The following PGBD5 variants were observed in gnomAD, a reference collection of about 807,000 sequenced individuals.
PGBD5 encodes piggyBac transposable element derived 5.
PGBD5 carries 14 observed loss-of-function variants against 47.9 expected under a neutral mutation model. That is an observed-to-expected ratio of 0.29 (90% CI 0.19 to 0.46). The LOEUF (loss-of-function observed/expected upper bound fraction) is 0.46, where lower values mean the gene tolerates loss of function less well. PGBD5 is among the 20% of genes least tolerant of loss of function. The pLI, the probability that PGBD5 is intolerant of heterozygous loss-of-function variation, is 1.00. For missense variants in PGBD5, 635 were observed against 716.0 expected, an observed-to-expected ratio of 0.89 and a Z score of 1.29; for synonymous variants, 316 against 306.3, an observed-to-expected ratio of 1.03 and a Z score of -0.33.
intron 1 of PGBD5, among the ~76,000 whole-genome samples, chr1:230,417,285 T>C (rs1274837788): frequency 6.6e-6 from 1 of 152,044 alleles, no homozygotes. Flanking sequence ...CCTCCTTCCT[T>C]AAAGGAAGGA....
chr1:230,334,942 G>A (rs1262697889), intron 4 of PGBD5, among the ~76,000 whole-genome samples: 1 of 150,946 alleles, frequency 6.6e-6, no homozygotes, highest in Non-Finnish European at 1.5e-5. Flanking sequence ...TCAGCTCTTT[G>A]GGAACCATAT....
intron 1 of PGBD5, among the ~76,000 whole-genome samples, chr1:230,418,187 G>A (rs572074118): frequency 6.6e-6 from 1 of 152,168 alleles, no homozygotes; most frequent in South Asian, 2.1e-4. Context: ...CCCACTCCTA[G>A]GTATACATGG....
chr1:230,391,616 C>T (rs828471), intron 1 of PGBD5, among the ~76,000 whole-genome samples: 53,386 of 152,030 alleles, frequency 0.35, 10,538 homozygotes, highest in African/African-American at 0.51. Flanking sequence ...TTGCCTCCTG[C>T]AGTAAAACAA....
At chr1:230,384,582 G>A (rs1656591050) in intron 1 of PGBD5, among the ~76,000 whole-genome samples, 2 of 152,144 alleles carry the variant, frequency 1.3e-5, no homozygotes, top group South Asian at 4.2e-4. Context: ...TGCGGGAGCA[G>A]GGGAGGTAAA....
At chr1:230,338,856 C>T (rs1196443446) in intron 3 of PGBD5, among the ~76,000 whole-genome samples, 4 of 152,130 alleles carry the variant, frequency 2.6e-5, no homozygotes, top group Non-Finnish European at 5.9e-5. Context: ...AATGGGGCCT[C>T]TTCTTGAAGC....
At chr1:230,400,144 G>T (rs139598972) in intron 1 of PGBD5, among the ~76,000 whole-genome samples, 13 of 152,180 alleles carry the variant, frequency 8.5e-5, no homozygotes, top group Middle Eastern at 6.8e-3. Flanking sequence ...TCCTTCCTCC[G>T]CGCCTCGCCC....
chr1:230,371,729 T>C (rs1402610384), intron 1 of PGBD5, among the ~76,000 whole-genome samples: 1 of 152,206 alleles, frequency 6.6e-6, no homozygotes, highest in East Asian at 1.9e-4. Flanking sequence ...TGGGGATTTA[T>C]GCAGGATAAC....
intron 3 of PGBD5, among the ~76,000 whole-genome samples, chr1:230,349,052 A>T (rs1667521463): frequency 6.6e-6 from 1 of 152,230 alleles, no homozygotes; most frequent in African/African-American, 2.4e-5. Context: ...ACCAACCCAA[A>T]CTTCTTATAG....
At chr1:230,406,422 T>C (rs1657298879) in intron 1 of PGBD5, among the ~76,000 whole-genome samples, 1 of 151,820 alleles carries the variant, frequency 6.6e-6, no homozygotes, top group Non-Finnish European at 1.5e-5. Context: ...ACTAATTTTA[T>C]AGGCAAAAAA....
At chr1:230,374,116 T>G (rs1667975454) in intron 1 of PGBD5, among the ~76,000 whole-genome samples, 1 of 152,192 alleles carries the variant, frequency 6.6e-6, no homozygotes, top group Non-Finnish European at 1.5e-5. Context: ...GAGGAATATT[T>G]AAGAATATAA....
At chr1:230,370,564 G>A (rs966033328) in intron 1 of PGBD5, among the ~76,000 whole-genome samples, 10 of 151,884 alleles carry the variant, frequency 6.6e-5, no homozygotes, top group African/African-American at 2.4e-4. Flanking sequence ...TATGAGATCT[G>A]CACTATTCTT....
chr1:230,356,772 T>C (rs1667652198), intron 2 of PGBD5, 122 bp downstream of exon 2: 3 of 1,004,034 alleles, frequency 3.0e-6, no homozygotes, highest in Admixed American at 2.6e-5. Flanking sequence ...AGAGGTGACC[T>C]TGAAGTGAAC....
chr1:230,368,100 T>C (rs1667869977), intron 1 of PGBD5: 2 of 1,367,930 alleles, frequency 1.5e-6, no homozygotes, highest in Non-Finnish European at 2.0e-6. Flanking sequence ...TTTCCACGGA[T>C]GTGCTCAAGT....
At chr1:230,367,878 C>T in intron 1 of PGBD5, 1 of 1,300,838 alleles carries the variant, frequency 7.7e-7, no homozygotes, top group Non-Finnish European at 1.0e-6. Context: ...CACAGGGCTA[C>T]CAGACTCCCG....
chr1:230,349,370 T>C (rs753458829), intron 3 of PGBD5, among the ~76,000 whole-genome samples: 1 of 151,796 alleles, frequency 6.6e-6, no homozygotes, highest in African/African-American at 2.4e-5. Flanking sequence ...TCTACCAAAA[T>C]GAAAATAAAA....
chr1:230,365,034 C>T (rs1667805693), intron 1 of PGBD5, among the ~76,000 whole-genome samples: 1 of 126,246 alleles, frequency 7.9e-6, no homozygotes, highest in South Asian at 2.6e-4. Flanking sequence ...AAAAAAAAGG[C>T]CAGGTGTGGT....
Position 230,314,673 on chromosome 1 carries a change from C to A in PGBD5, c.*8752G>T, listed in dbSNP as rs2102803837. Reference sequence around the variant, plus strand: ...TACAAAATTTGTAAAAATTTATTGCCTTGGCGTAAAGTGACAATCATGCCT... The same window carrying A: ...TACAAAATTTGTAAAAATTTATTGCATTGGCGTAAAGTGACAATCATGCCT... On this transcript the variant is annotated 3_prime_UTR_variant, in exon 7 of 7. Coordinates refer to ENST00000391860, the MANE Select transcript of PGBD5 (RefSeq NM_001258311.2). 1 of 143,944 alleles carries A rather than the reference C, an allele frequency of 6.9e-6. No homozygotes were observed. 8.9% of individuals were successfully genotyped at this position (143,944 alleles called of 1,614,324 possible).
chr1:230,370,310 G>A (rs181991744), intron 1 of PGBD5, among the ~76,000 whole-genome samples: 139 of 152,320 alleles, frequency 9.1e-4, no homozygotes, highest in Admixed American at 2.1e-3. Context: ...GCTGCGGTTC[G>A]TGAGCCGTGG....
chr1:230,386,375 C>T (rs766209900), intron 1 of PGBD5, among the ~76,000 whole-genome samples: 11 of 151,558 alleles, frequency 7.3e-5, no homozygotes, highest in Non-Finnish European at 1.5e-4. Context: ...TGTGAATATA[C>T]GAGTTTCACT....
Sources: gnomAD v4.1 joint callset for allele counts (sites outside exome capture counted in the v4.1 genomes callset) on GRCh38, gnomAD v4.1.1 for gene constraint, MANE v1.5 for transcripts, NCBI Gene and HGNC (gene_info 2026-07-23, HGNC 2026-07-21) for gene names.